Variants in WLS observed in about 807,000 individuals in gnomAD.
The protein encoded by WLS is Wnt ligand secretion mediator.
A neutral mutation model predicts 62.8 loss-of-function variants in WLS; 23 were observed. That is an observed-to-expected ratio of 0.37 (90% CI 0.26 to 0.52). WLS has a LOEUF of 0.52. WLS is among the 20% of genes least tolerant of loss of function. WLS has a pLI of 0.92. For missense variants in WLS, 615 were observed against 697.3 expected, an observed-to-expected ratio of 0.88 and a Z score of 1.33; for synonymous variants, 246 against 244.1, an observed-to-expected ratio of 1.01 and a Z score of -0.07.
intron 10 of WLS, among the ~76,000 whole-genome samples, chr1:68,143,720 T>C (rs915485372): frequency 1.3e-5 from 2 of 152,210 alleles, no homozygotes; most frequent in Admixed American, 6.5e-5. Context: ...GTTCCCTTAA[T>C]GAGGAACTCA....
intron 2 of WLS, among the ~76,000 whole-genome samples, chr1:68,170,714 C>T (rs1007970521): frequency 3.3e-5 from 5 of 151,944 alleles, no homozygotes; most frequent in African/African-American, 4.8e-5. Flanking sequence ...TATGGCACCC[C>T]CCCCTTGCTC....
chr1:68,225,098 C>T (rs940606256), intron 1 of WLS, among the ~76,000 whole-genome samples: 1 of 151,902 alleles, frequency 6.6e-6, no homozygotes, highest in East Asian at 1.9e-4. Context: ...ACATGTGAAA[C>T]GCTTTCCATA....
intron 8 of WLS, among the ~76,000 whole-genome samples, chr1:68,147,894 C>G (rs912148272): frequency 1.3e-5 from 2 of 152,208 alleles, no homozygotes; most frequent in African/African-American, 4.8e-5. Context: ...AGCCTAGCAA[C>G]TCGGATCCCT....
At chr1:68,153,994 C>A (rs1351180820) in intron 4 of WLS, among the ~76,000 whole-genome samples, 1 of 152,068 alleles carries the variant, frequency 6.6e-6, no homozygotes, top group Non-Finnish European at 1.5e-5. Flanking sequence ...AATTATCTTA[C>A]CTTGGACTCA....
rs547232963 is a variant in WLS, at chr1:68,185,326, C to T, written c.379+8629G>A. ...CTCAGGGAAACACTTAACTTATGCA[C>T]GTTATAAAGGATATGACAAAGGATA... is the stretch of plus-strand genomic sequence containing the variant. On this transcript the variant is annotated intron_variant, in intron 2 of 11. Coordinates refer to ENST00000262348, the MANE Select transcript of WLS (RefSeq NM_024911.7). Among the ~76,000 whole-genome samples the T allele has an allele frequency of 2.6e-4, 39 of 152,208 alleles. No individual in the cohort carries two copies. In the South Asian group the frequency reaches 7.3e-3, roughly 28 times the overall value.
chr1:68,217,761 G>C (rs773312659), intron 1 of WLS, among the ~76,000 whole-genome samples: 2 of 152,130 alleles, frequency 1.3e-5, no homozygotes, highest in Admixed American at 6.5e-5. Context: ...TTAACTGTGG[G>C]GCCCCTCTTA....
chr1:68,117,865 T>A (rs1409806239), intron 11 of WLS: 1 of 152,126 alleles, frequency 6.6e-6, no homozygotes, highest in Non-Finnish European at 1.5e-5. Context: ...GCTTGCTAGA[T>A]CCTGTCCTTC....
intron 4 of WLS, among the ~76,000 whole-genome samples, 190 bp downstream of exon 4, chr1:68,154,909 T>G (rs890842305): frequency 2.0e-5 from 3 of 152,226 alleles, no homozygotes; most frequent in Non-Finnish European, 2.9e-5. Flanking sequence ...AAATCTTAAG[T>G]GGGCACAATA....
downstream of WLS, among the ~76,000 whole-genome samples, chr1:68,120,715 T>TGC: frequency 7.6e-6 from 1 of 131,060 alleles, no homozygotes; most frequent in African/African-American, 2.8e-5. Flanking sequence ...TGTGTGTGTG[T>TGC]GTGCGCGCGC....
At chr1:68,199,648 T>C (rs1648892006) in intron 1 of WLS, among the ~76,000 whole-genome samples, 1 of 152,236 alleles carries the variant, frequency 6.6e-6, no homozygotes, top group South Asian at 2.1e-4. Flanking sequence ...ATCAGTGGTA[T>C]AATTCTACTA....
At chr1:68,178,716 A>AGAAAG (rs1553132470) in intron 2 of WLS, among the ~76,000 whole-genome samples, 1 of 151,378 alleles carries the variant, frequency 6.6e-6, no homozygotes, top group African/African-American at 2.4e-5. Flanking sequence ...AAAAAAAAAA[A>AGAAAG]AAAGAAAAGA....
chr1:68,182,369 A>T (rs1647635349), intron 2 of WLS, among the ~76,000 whole-genome samples: 2 of 152,356 alleles, frequency 1.3e-5, no homozygotes, highest in South Asian at 4.1e-4. Flanking sequence ...CCAATATAAC[A>T]TGCTCACAAC....
chr1:68,125,330 A>G, downstream of WLS: 2 of 985,438 alleles, frequency 2.0e-6, no homozygotes, highest in Non-Finnish European at 2.4e-6. Flanking sequence ...CTCTAGGTTC[A>G]ACCTGGAAAA....
At chr1:68,104,453 C>A (rs186240211) in intron 11 of WLS, among the ~76,000 whole-genome samples, 2 of 152,260 alleles carry the variant, frequency 1.3e-5, no homozygotes, top group East Asian at 3.9e-4. Context: ...ATGTTGAGCT[C>A]TACAATCAGT....
intron 11 of WLS, among the ~76,000 whole-genome samples, chr1:68,135,603 T>C (rs1180155035): frequency 6.6e-6 from 1 of 152,206 alleles, no homozygotes; most frequent in Non-Finnish European, 1.5e-5. Context: ...ACACAGTCAG[T>C]ACTTGATAAT....
Position 68,144,649 on chromosome 1 carries a change from G to A in WLS, c.1282C>T (p.Leu428=). 6.2e-7 allele frequency: 1 copy of A among 1,612,964 alleles called. No homozygotes were observed. The highest frequency in any genetic ancestry group is 8.5e-7 in the Non-Finnish European group (1 of 1,179,228). ...SKVRRLHYEG[L]IFRFKFLMLI... ...ATGAGGAACTTGAACCTAAAAATTA[G>A]CCCCTATTAGAAAAGAAAGAGTAGT... is the stretch of plus-strand genomic sequence containing the variant. The change falls in exon 10 of 12, where the codon CTA becomes TTA. Residue 428 remains leucine, a synonymous_variant. Coordinates refer to ENST00000262348, the MANE Select transcript of WLS (RefSeq NM_024911.7).
chr1:68,114,626 C>T (rs1484496146), intron 11 of WLS, among the ~76,000 whole-genome samples: 1 of 152,198 alleles, frequency 6.6e-6, no homozygotes, highest in Non-Finnish European at 1.5e-5. Flanking sequence ...ACCTAGGTGA[C>T]AGGCATCTGA....
At chr1:68,164,730 C>T (rs1647036668) in intron 2 of WLS, among the ~76,000 whole-genome samples, 2 of 152,142 alleles carry the variant, frequency 1.3e-5, no homozygotes, top group South Asian at 4.1e-4. Flanking sequence ...CAAAGCATGG[C>T]ACTGACAATG....
downstream of WLS, among the ~76,000 whole-genome samples, chr1:68,122,736 G>A (rs1043534730): frequency 1.3e-5 from 2 of 152,096 alleles, no homozygotes. Flanking sequence ...CACCTCTTGA[G>A]TTTCCACTTC....
Sources: gnomAD v4.1 joint callset for allele counts (sites outside exome capture counted in the v4.1 genomes callset) on GRCh38, gnomAD v4.1.1 for gene constraint, MANE v1.5 for transcripts, NCBI Gene and HGNC (gene_info 2026-07-23, HGNC 2026-07-21) for gene names.